LENG1: variants seen among roughly 807,000 people sequenced by gnomAD.
LENG1 encodes the protein leukocyte receptor cluster member 1, also known as leukocyte receptor cluster (LRC) member 1.
Under a neutral mutation model 28.8 loss-of-function variants are expected in LENG1, and 35 were observed. The observed-to-expected ratio is 1.22, with a 90% CI of 0.93 to 1.61. The LOEUF (loss-of-function observed/expected upper bound fraction) is 1.61. Among genes scored for constraint, LENG1 ranks in the 40% most tolerant of loss-of-function variants. The pLI is 0.00. For synonymous variants in LENG1, 170 were observed against 140.6 expected, an observed-to-expected ratio of 1.21 and a Z score of -1.48; for missense variants, 404 against 348.9, an observed-to-expected ratio of 1.16 and a Z score of -1.26.
Position 54,155,755 on chromosome 19 carries a change from C to T in LENG1, c.761G>A (p.Arg254His), listed in dbSNP as rs972959950. ...NSQFNPQLAR[R>H]PRQQDPHLTH is the part of the protein sequence containing the mutation. ...AAGGTGAGGGTCCTGCTGGCGGGGGCGCCGGGCCAGCTGGGGGTTGAATTG... is the reference window on the plus strand; with the variant it reads ...AAGGTGAGGGTCCTGCTGGCGGGGGTGCCGGGCCAGCTGGGGGTTGAATTG... Residue 254 changes from arginine to histidine, a missense_variant, in exon 4 of 4, where the codon CGC becomes CAC. Transcript: ENST00000222224. 2.9e-5 allele frequency: 47 copies of T among 1,604,362 alleles called. No homozygotes were observed. The highest frequency in any genetic ancestry group is 3.8e-5 in the Non-Finnish European group (45 of 1,177,434).
chr19:54,156,045 G>A, intron 3 of LENG1, 105 bp from the exon 4 acceptor site: 1 of 1,001,490 alleles, frequency 1.0e-6, no homozygotes, highest in East Asian at 2.6e-5. Flanking sequence ...GCTGCATCCA[G>A]CACACCCCAG....
In LENG1 at chr19:54,155,602, T is replaced by TC; in HGVS notation, c.*118dup. 8.9e-7 allele frequency: 1 copy of TC among 1,128,292 alleles called. No homozygotes were observed. Among genetic ancestry groups the TC allele is most frequent in the Non-Finnish European group, 1.3e-6 (1 of 797,718 alleles). The allele number at this position is 1,128,292 out of a possible 1,614,324, so 69.9% of individuals were successfully genotyped here. A position where few individuals can be genotyped will look rare whatever the true frequency, so the allele number is the denominator to read the frequency against. On this transcript the variant is annotated 3_prime_UTR_variant, in exon 4 of 4. Coordinates refer to ENST00000222224, the MANE Select transcript of LENG1 (RefSeq NM_024316.3). ...CCCGGGGGCGAGGGCTGCCCCCTCC[T>TC]CCCCTCCCCAGTGAGGGACATTTTT...
At chr19:54,157,756 C>T (rs1033283437) in intron 2 of LENG1, among the ~76,000 whole-genome samples, 31 of 152,118 alleles carry the variant, frequency 2.0e-4, no homozygotes, top group African/African-American at 2.9e-4. Context: ...GATGGGGTCT[C>T]GCTCTGTCAC....
At chr19:54,156,098 G>C (rs2075380524) in intron 3 of LENG1, among the ~76,000 whole-genome samples, 158 bp from the exon 4 acceptor site, 1 of 152,204 alleles carries the variant, frequency 6.6e-6, no homozygotes, top group South Asian at 2.1e-4. Context: ...CTTGGTGCTG[G>C]GACGCCATGG....
chr19:54,156,067 T>C, intron 3 of LENG1, 127 bp from the exon 4 acceptor site: 2 of 821,588 alleles, frequency 2.4e-6, no homozygotes, highest in African/African-American at 1.7e-5. Context: ...CTCAGCTCCT[T>C]AGGCCTGCTG....
At position 54,155,222 on chromosome 19, in the gene LENG1, T is replaced by A. The variant is rs2075346842; in HGVS notation, c.*499A>T. The stretch of plus-strand genomic sequence containing the variant: ...CCGGTGCCTGACACATCCACAGCCC[T>A]AAGAATTGTCCCCTTTGTCTGTTGG... On this transcript the variant is annotated 3_prime_UTR_variant, in exon 4 of 4. Coordinates refer to ENST00000222224, the MANE Select transcript of LENG1 (RefSeq NM_024316.3). 1.3e-6 allele frequency: 2 copies of A among 1,551,250 alleles called. No homozygotes were observed. Among genetic ancestry groups the A allele is most frequent in the Non-Finnish European group, 1.7e-6 (2 of 1,148,434 alleles).
rs1568706328 is a variant in LENG1, at chr19:54,156,963, C to A, written c.375G>T (p.Gln125His). The change falls in exon 3 of 4, where the codon CAG becomes CAT. Residue 125 changes from glutamine to histidine, a missense_variant. Transcript: ENST00000222224. ...TYLGQSAAEA[Q>H]TQPPWYQLPP... ...GTAGCTGGTACCAAGGGGGTTGAGT[C>A]TGTGCCTCCGCTGCACTCTGGCCCA... The A allele has an allele frequency of 6.2e-7, 1 of 1,609,440 alleles. No homozygotes were observed. The highest frequency in any genetic ancestry group is 1.7e-5 in the Admixed American group (1 of 59,474).
Position 54,156,806 on chromosome 19 carries a change from T to C in LENG1, c.532A>G (p.Ser178Gly), listed in dbSNP as rs769508573. ...TCAGACCCCTCCTTTTCCTTTCTGC[T>C]GCGACTGCCTTCATCACCGCCGTGC... ...RQHGGDEGSR[S>G]RKEKEGSEKQ... Residue 178 changes from serine (S) to glycine (G), a missense_variant, in exon 3 of 4, where the codon AGC becomes GGC. By Grantham distance (56) the Ser-to-Gly change is moderately conservative (BLOSUM62 0). Transcript: ENST00000222224. 1.2e-6 allele frequency: 2 copies of C among 1,613,358 alleles called. No individual in the cohort carries two copies. The highest frequency in any genetic ancestry group is 1.7e-4 in the Middle Eastern group (1 of 6,056).
chr19:54,159,543 C>G (rs1451696466), intron 1 of LENG1, 21 bp downstream of exon 1: 4 of 1,527,866 alleles, frequency 2.6e-6, no homozygotes, highest in Non-Finnish European at 3.5e-6. Context: ...GGAGCGCCGC[C>G]CTGCCGGCTT....
At position 54,155,924 on chromosome 19, in the gene LENG1, G is replaced by A. The variant is rs1313918713; in HGVS notation, c.592C>T (p.Gln198Ter). Residue 198 changes from glutamine (Q) to a stop codon, truncating the protein, a stop_gained, in exon 4 of 4, where the codon CAG (glutamine) becomes TAG (stop). Transcript: ENST00000222224. LOFTEE classifies it high-confidence loss of function. ...QRPKEPPSLD[Q>*]LRAERLRREA... The stretch of plus-strand genomic sequence containing the variant: ...CTCCGCAGACGTTCAGCTCGAAGCT[G>A]GTCCAGGGATGGAGGCCTGTGGGGA... 6.2e-7 allele frequency: 1 copy of A among 1,609,886 alleles called. No individual in the cohort carries two copies. The highest frequency in any genetic ancestry group is 8.5e-7 in the Non-Finnish European group (1 of 1,178,610).
chr19:54,156,702 C>G (rs2075393664), intron 3 of LENG1, 61 bp downstream of exon 3: 3 of 1,528,806 alleles, frequency 2.0e-6, no homozygotes, highest in Non-Finnish European at 2.7e-6. Flanking sequence ...AGTGCCCATG[C>G]TGGGCTGCTG....
At chr19:54,158,528 C>T in intron 1 of LENG1, 67 bp from the exon 2 acceptor site, 2 of 1,484,290 alleles carry the variant, frequency 1.3e-6, no homozygotes, top group Non-Finnish European at 1.9e-6. Flanking sequence ...GAGTCTGGTG[C>T]CCACCACAGA....
chr19:54,159,422 G>T, intron 1 of LENG1, 142 bp downstream of exon 1: 1 of 879,352 alleles, frequency 1.1e-6, no homozygotes, highest in Non-Finnish European at 1.7e-6. Flanking sequence ...GCGGGGCAAC[G>T]TCCTCGAAAG....
rs1174387680 is a variant in LENG1 at position 54,159,443 on chromosome 19, G to A, written c.132+121C>T. On this transcript the variant is annotated intron_variant, in intron 1 of 3. Coordinates refer to ENST00000222224, the MANE Select transcript of LENG1 (RefSeq NM_024316.3). ...CAACGTCCTCGAAAGTGGGATCGGC[G>A]CCTGGTCCCGAATTTCACACGGGGC... is the stretch of plus-strand genomic sequence containing the variant. The A allele has an allele frequency of 4.0e-5, 44 of 1,095,960 alleles. 1 individual carries two copies. In the South Asian group the frequency reaches 5.0e-4, roughly 12 times the overall value. 67.9% of individuals were successfully genotyped at this position (1,095,960 alleles called of 1,614,324 possible). A position where few individuals can be genotyped will look rare whatever the true frequency, so the allele number is the denominator to read the frequency against.
Position 54,157,035 on chromosome 19 carries a change from C to A in LENG1, c.313-10G>T. The A allele has an allele frequency of 6.6e-7, 1 of 1,515,012 alleles. No individual in the cohort carries two copies. Among genetic ancestry groups the A allele is most frequent in the Non-Finnish European group, 8.8e-7 (1 of 1,131,720 alleles). The allele number at this position is 1,515,012 out of a possible 1,614,324, so 93.8% of individuals were successfully genotyped here. A position where few individuals can be genotyped will look rare whatever the true frequency, so the allele number is the denominator to read the frequency against. Reference sequence around the variant, plus strand: ...CTTTCTCTTGCCTCTCCTGAGGGGGCCAGGAAATACAAGAGATGTGATATA... The same window carrying A: ...CTTTCTCTTGCCTCTCCTGAGGGGGACAGGAAATACAAGAGATGTGATATA... On this transcript the variant is annotated splice_polypyrimidine_tract_variant and intron_variant, in intron 2 of 3. Coordinates refer to ENST00000222224, the MANE Select transcript of LENG1 (RefSeq NM_024316.3).
rs529236466 is a variant in LENG1, at chr19:54,157,045, C to T, written c.313-20G>A. ...CCTCTCCTGAGGGGGCCAGGAAATA[C>T]AAGAGATGTGATATAATCTTTCAAG... is the stretch of plus-strand genomic sequence containing the variant. On this transcript the variant is annotated intron_variant, in intron 2 of 3. Coordinates refer to ENST00000222224, the MANE Select transcript of LENG1 (RefSeq NM_024316.3). 5.3e-6 allele frequency: 8 copies of T among 1,509,058 alleles called. No individual in the cohort carries two copies. In the South Asian group the frequency reaches 9.6e-5, roughly 18 times the overall value. 93.5% of individuals were successfully genotyped at this position (1,509,058 alleles called of 1,614,324 possible).
At chr19:54,156,532 T>TG (rs1386336679) in intron 3 of LENG1, among the ~76,000 whole-genome samples, 1 of 151,840 alleles carries the variant, frequency 6.6e-6, no homozygotes, top group Non-Finnish European at 1.5e-5. Flanking sequence ...AGAACACGAG[T>TG]GGAAAAGTCC....
chr19:54,155,574 G>A lies in LENG1; in HGVS notation c.*147C>T. On this transcript the variant is annotated 3_prime_UTR_variant, in exon 4 of 4. Transcript: ENST00000222224. ...GGTTTTCCTCTCAGCCCCACCCTGG[G>A]GGCCCGGGGGCGAGGGCTGCCCCCT... The A allele has an allele frequency of 1.0e-6, 1 of 988,006 alleles. No individual in the cohort carries two copies. The highest frequency in any genetic ancestry group is 1.7e-5 in the South Asian group (1 of 59,574). 61.2% of individuals were successfully genotyped at this position (988,006 alleles called of 1,614,324 possible).
At chr19:54,158,002 C>T (rs1344195515) in intron 2 of LENG1, among the ~76,000 whole-genome samples, 1 of 152,194 alleles carries the variant, frequency 6.6e-6, no homozygotes, top group East Asian at 1.9e-4. Context: ...GAGCCACAGC[C>T]GGCTGATTTA....
Sources: gnomAD v4.1 joint callset for allele counts (sites outside exome capture counted in the v4.1 genomes callset) on GRCh38, gnomAD v4.1.1 for gene constraint, MANE v1.5 for transcripts, NCBI Gene and HGNC (gene_info 2026-07-23, HGNC 2026-07-21) for gene names.